IL1RN: variants seen among roughly 807,000 people sequenced by gnomAD.
The protein encoded by IL1RN is interleukin 1 receptor antagonist, also known as interleukin-1 receptor antagonist protein.
A neutral mutation model predicts 13.7 loss-of-function variants in IL1RN; 10 were observed. That is an observed-to-expected ratio of 0.73 (90% confidence interval 0.45 to 1.24). The LOEUF (loss-of-function observed/expected upper bound fraction) is 1.24, where lower values mean the gene tolerates loss of function less well. Among genes scored for constraint, IL1RN ranks in the 50% most tolerant of loss-of-function variants. The pLI, the probability that IL1RN is intolerant of heterozygous loss-of-function variation, is 0.00. For missense variants in IL1RN, 213 were observed against 222.1 expected, an observed-to-expected ratio of 0.96 and a Z score of 0.26; for synonymous variants, 102 against 82.7, an observed-to-expected ratio of 1.23 and a Z score of -1.27.
At chr2:113,111,592 A>G (rs1026244067) in intron 1 of IL1RN, among the ~76,000 whole-genome samples, 2 of 152,244 alleles carry the variant, frequency 1.3e-5, no homozygotes, top group Non-Finnish European at 2.9e-5. Context: ...GCCCGCATCC[A>G]ATGACTGCTC....
At chr2:113,110,940 C>T (rs930237429), upstream of IL1RN, among the ~76,000 whole-genome samples, 2 of 152,230 alleles carry the variant, frequency 1.3e-5, no homozygotes, top group African/African-American at 4.8e-5. Flanking sequence ...TGCCTACCAA[C>T]TTCCCTGATA....
At chr2:113,122,044 A>G (rs544083060) in intron 2 of IL1RN, among the ~76,000 whole-genome samples, 2 of 152,336 alleles carry the variant, frequency 1.3e-5, no homozygotes, top group Non-Finnish European at 2.9e-5. Flanking sequence ...GGAAAACAAT[A>G]TTGCCCATAT....
At chr2:113,127,347 C>T (rs1007618711), upstream of IL1RN, 2 of 521,032 alleles carry the variant, frequency 3.8e-6, no homozygotes, top group Non-Finnish European at 2.5e-6. Context: ...TGCTCTTCTT[C>T]CCAGGAACTC....
At chr2:113,124,688 C>A (rs1417912222), upstream of IL1RN, among the ~76,000 whole-genome samples, 1 of 152,102 alleles carries the variant, frequency 6.6e-6, no homozygotes, top group Non-Finnish European at 1.5e-5. Flanking sequence ...TTATAGTAAC[C>A]GATGATGTGG....
intron 2 of IL1RN, among the ~76,000 whole-genome samples, chr2:113,120,504 C>G (rs750466968): frequency 1.3e-5 from 2 of 152,170 alleles, no homozygotes; most frequent in African/African-American, 4.8e-5. Flanking sequence ...TACCAGTGCC[C>G]TTTAAGGGTT....
upstream of IL1RN, among the ~76,000 whole-genome samples, chr2:113,113,647 A>T (rs371590): frequency 6.6e-6 from 1 of 152,192 alleles, no homozygotes; most frequent in Non-Finnish European, 1.5e-5. Flanking sequence ...GGATATGTTT[A>T]TGGCCTTGAT....
upstream of IL1RN, among the ~76,000 whole-genome samples, chr2:113,126,112 G>C (rs1021262332): frequency 2.0e-5 from 3 of 152,138 alleles, no homozygotes; most frequent in African/African-American, 7.2e-5. Flanking sequence ...CATCATTTTT[G>C]AAACACGTTT....
upstream of IL1RN, among the ~76,000 whole-genome samples, chr2:113,126,471 G>A (rs1310489195): frequency 4.6e-5 from 7 of 152,194 alleles, no homozygotes; most frequent in East Asian, 5.8e-4. Context: ...ACACTGCAAC[G>A]TATGCTTCTG....
chr2:113,127,517 C>A (rs2232352), upstream of IL1RN: 1 of 1,489,268 alleles, frequency 6.7e-7, no homozygotes, highest in East Asian at 2.4e-5. Context: ...TTCCGCTTCT[C>A]GCAGTGGGGC....
In IL1RN at chr2:113,133,757, G is replaced by A. The variant is rs1687255595; in HGVS notation, c.*886G>A. The A allele has an allele frequency of 6.6e-6, 1 of 152,658 alleles. No homozygotes were observed. 9.5% of individuals were successfully genotyped at this position (152,658 alleles called of 1,614,324 possible). A position where few individuals can be genotyped will look rare whatever the true frequency, so the allele number is the denominator to read the frequency against. On this transcript the variant is annotated 3_prime_UTR_variant, in exon 4 of 4. Transcript: ENST00000409930. ...TCTTCCTCTGCTGAAGGAATAAATT[G>A]CTCCTTGACATTGTAGAGCTTCTGG...
upstream of IL1RN, chr2:113,127,585 G>A (rs1157497121): frequency 6.2e-7 from 1 of 1,610,074 alleles, no homozygotes; most frequent in African/African-American, 1.3e-5. Flanking sequence ...CACAACTCTG[G>A]GCCCGCAATG....
chr2:113,131,838 G>T (rs1009319893), intron 3 of IL1RN, among the ~76,000 whole-genome samples: 8 of 152,128 alleles, frequency 5.3e-5, no homozygotes, highest in Non-Finnish European at 1.0e-4. Context: ...TGTCTCAGGG[G>T]CTTGCTGGAT....
upstream of IL1RN, among the ~76,000 whole-genome samples, chr2:113,124,049 G>A (rs1379986944): frequency 2.0e-5 from 3 of 152,112 alleles, no homozygotes; most frequent in African/African-American, 7.2e-5. Context: ...CTATCTCTCT[G>A]CTTCATCAAA....
exon 1 of IL1RN, chr2:113,118,013 C>T (rs749493216): frequency 1.7e-5 from 26 of 1,569,120 alleles, no homozygotes; most frequent in African/African-American, 2.7e-5. Flanking sequence ...CTATGAGGCC[C>T]TCCCCATGGC....
chr2:113,132,605 C>A (rs1687211552), intron 3 of IL1RN, 51 bp from the exon 4 acceptor site: 1 of 1,527,318 alleles, frequency 6.5e-7, no homozygotes, highest in Non-Finnish European at 9.1e-7. Context: ...AGGGAGGCAG[C>A]ACAGGACTTC....
intron 1 of IL1RN, among the ~76,000 whole-genome samples, chr2:113,118,459 T>A (rs4252039): frequency 8.9e-5 from 12 of 134,320 alleles, no homozygotes; most frequent in Non-Finnish European, 1.8e-4. Flanking sequence ...TAAGGAAGGG[T>A]GGGGACTGTG....
intron 3 of IL1RN, among the ~76,000 whole-genome samples, chr2:113,131,524 G>A (rs1332307156): frequency 6.6e-6 from 1 of 152,046 alleles, no homozygotes. Flanking sequence ...AGCCAGTCAC[G>A]TGGCTAAGTC....
chr2:113,133,129 G>A lies in IL1RN; in HGVS notation c.*258G>A, dbSNP rs549974974. The A allele has an allele frequency of 3.3e-4, 182 of 548,074 alleles. 2 individuals carry two copies. In the South Asian group the frequency reaches 3.5e-3, roughly 10 times the overall value. 34.0% of individuals were successfully genotyped at this position (548,074 alleles called of 1,614,324 possible). A position where few individuals can be genotyped will look rare whatever the true frequency, so the allele number is the denominator to read the frequency against. ...CCCCTGCACAAAGCCCTTCCATGTCGCCTCTGCATTCAGGATCAAACCCCG... is the reference window on the plus strand; with the variant it reads ...CCCCTGCACAAAGCCCTTCCATGTCACCTCTGCATTCAGGATCAAACCCCG... On this transcript the variant is annotated 3_prime_UTR_variant, in exon 4 of 4. Transcript: ENST00000409930.
At chr2:113,127,196 G>A (rs778443871), upstream of IL1RN, among the ~76,000 whole-genome samples, 36 of 152,164 alleles carry the variant, frequency 2.4e-4, no homozygotes, top group Non-Finnish European at 5.0e-4. Context: ...AACACAAAGT[G>A]ACATGAGACT....
Sources: allele counts gnomAD v4.1 joint callset (sites outside exome capture counted in the v4.1 genomes callset), GRCh38; gene constraint gnomAD v4.1.1; transcripts MANE v1.5; gene names NCBI Gene and HGNC (gene_info 2026-07-23, HGNC 2026-07-21).